Variants in ATF7IP2 observed in about 807,000 individuals in gnomAD.
The protein encoded by ATF7IP2 is activating transcription factor 7 interacting protein 2.
In ATF7IP2, 42 loss-of-function variants were observed where a neutral mutation model predicts 64.2. The ratio of observed to expected loss-of-function variants is 0.65; its 90% CI spans 0.51 to 0.85. The LOEUF is 0.85. Among genes scored for constraint, ATF7IP2 ranks in the 40% least tolerant of loss-of-function variants. The pLI is 0.00. For missense variants in ATF7IP2, 933 were observed against 784.2 expected, an observed-to-expected ratio of 1.19 and a Z score of -2.27; for synonymous variants, 308 against 272.8, an observed-to-expected ratio of 1.13 and a Z score of -1.27.
At chr16:10,447,872 C>T (rs2048862043) in intron 8 of ATF7IP2, 3 of 152,164 alleles carry the variant, frequency 2.0e-5, no homozygotes, top group Admixed American at 2.0e-4. Context: ...TTCCTAACAC[C>T]TAGGTTTTCT....
intron 1 of ATF7IP2, among the ~76,000 whole-genome samples, chr16:10,408,145 C>T (rs1031770496): frequency 4.6e-5 from 7 of 152,018 alleles, no homozygotes; most frequent in South Asian, 4.1e-4. Context: ...TTCCTGACCT[C>T]GCGATCCACC....
intron 4 of ATF7IP2, 28 bp from the exon 5 acceptor site, chr16:10,430,583 C>A: frequency 7.2e-7 from 1 of 1,396,914 alleles, no homozygotes; most frequent in South Asian, 1.3e-5. Context: ...TAGAGAAATG[C>A]ATTTAAATAT....
At chr16:10,455,796 T>C (rs2049143391) in intron 8 of ATF7IP2, among the ~76,000 whole-genome samples, 1 of 152,140 alleles carries the variant, frequency 6.6e-6, no homozygotes, top group African/African-American at 2.4e-5. Context: ...GATAGAAATA[T>C]AGACATTAAA....
intron 7 of ATF7IP2, 49 bp from the exon 8 acceptor site, chr16:10,440,315 A>G: frequency 2.2e-6 from 2 of 901,030 alleles, no homozygotes; most frequent in Non-Finnish European, 3.4e-6. Flanking sequence ...TCTCTATGTG[A>G]TATATAGTAC....
intron 1 of ATF7IP2, among the ~76,000 whole-genome samples, chr16:10,395,683 T>C (rs2047407376): frequency 6.6e-6 from 1 of 152,210 alleles, no homozygotes; most frequent in East Asian, 1.9e-4. Flanking sequence ...CAAAGCTACA[T>C]GATCTTTTTA....
chr16:10,442,455 A>T (rs759367043), intron 8 of ATF7IP2, among the ~76,000 whole-genome samples: 1 of 152,230 alleles, frequency 6.6e-6, no homozygotes, highest in Non-Finnish European at 1.5e-5. Flanking sequence ...TTATTGAACT[A>T]GTCCATGAAT....
At chr16:10,465,485 G>A (rs530597953) in intron 9 of ATF7IP2, among the ~76,000 whole-genome samples, 203 of 151,758 alleles carry the variant, frequency 1.3e-3, no homozygotes, top group African/African-American at 4.4e-3. Context: ...AGTGACTCAC[G>A]CCTGTAATCC....
chr16:10,479,720 C>T (rs907859560), intron 12 of ATF7IP2, among the ~76,000 whole-genome samples: 5 of 151,468 alleles, frequency 3.3e-5, no homozygotes, highest in Admixed American at 3.3e-4. Context: ...GTACATTTGG[C>T]CAACAAACAT....
intron 8 of ATF7IP2, among the ~76,000 whole-genome samples, chr16:10,443,555 C>T (rs1238649993): frequency 1.3e-5 from 2 of 152,196 alleles, no homozygotes; most frequent in African/African-American, 2.4e-5. Flanking sequence ...TCCATGCAGG[C>T]ATTTGCTTCT....
rs2050271017 is a variant in ATF7IP2, at chr16:10,482,413, T to C, written c.*164T>C. ...TAAGTGGCCAGTAATTTAATGAATT[T>C]CTGGTTTGTATTAAATATGTCCTTC... On this transcript the variant is annotated 3_prime_UTR_variant, in exon 14 of 14. Transcript: ENST00000562102. The C allele has an allele frequency of 5.3e-6, 3 of 568,440 alleles. No individual in the cohort carries two copies. The highest frequency in any genetic ancestry group is 9.1e-6 in the Non-Finnish European group (3 of 330,390). The allele number at this position is 568,440 out of a possible 1,614,324, so 35.2% of individuals were successfully genotyped here.
chr16:10,421,047 A>G (rs1292849343), intron 3 of ATF7IP2, among the ~76,000 whole-genome samples: 2 of 152,254 alleles, frequency 1.3e-5, no homozygotes, highest in Non-Finnish European at 2.9e-5. Flanking sequence ...AGTCAGCTAA[A>G]TGAGTTTGCC....
intron 9 of ATF7IP2, among the ~76,000 whole-genome samples, chr16:10,463,256 C>T (rs931847135): frequency 6.6e-6 from 1 of 152,198 alleles, no homozygotes; most frequent in African/African-American, 2.4e-5. Flanking sequence ...ACTAGATTCA[C>T]TCTGTACTCT....
intron 1 of ATF7IP2, among the ~76,000 whole-genome samples, chr16:10,407,185 A>G (rs921758857): frequency 1.3e-5 from 2 of 152,200 alleles, no homozygotes; most frequent in Non-Finnish European, 2.9e-5. Flanking sequence ...TCCCTACATG[A>G]TAAAAACCCT....
chr16:10,447,850 G>T (rs1336415432), intron 8 of ATF7IP2: 1 of 152,182 alleles, frequency 6.6e-6, no homozygotes, highest in Admixed American at 6.5e-5. Flanking sequence ...GAAATCCTTT[G>T]AAGAGAAACT....
chr16:10,459,664 C>T (rs1474145360), intron 9 of ATF7IP2, among the ~76,000 whole-genome samples: 1 of 151,994 alleles, frequency 6.6e-6, no homozygotes, highest in African/African-American at 2.4e-5. Context: ...AAAATAAATA[C>T]ACTAATGTGA....
intron 8 of ATF7IP2, among the ~76,000 whole-genome samples, chr16:10,456,330 C>T (rs370336058): frequency 3.3e-5 from 5 of 152,118 alleles, no homozygotes; most frequent in South Asian, 4.1e-4. Context: ...GAGTATGCCC[C>T]GGAGAGAAAG....
At chr16:10,459,717 G>T (rs961501756) in intron 9 of ATF7IP2, among the ~76,000 whole-genome samples, 1 of 152,134 alleles carries the variant, frequency 6.6e-6, no homozygotes, top group Non-Finnish European at 1.5e-5. Context: ...ACTCACTATA[G>T]ATGCAGGACT....
chr16:10,452,143 G>A (rs1394688323), intron 8 of ATF7IP2, among the ~76,000 whole-genome samples: 6 of 152,170 alleles, frequency 3.9e-5, no homozygotes, highest in East Asian at 1.9e-4. Context: ...CTCATTCTCC[G>A]TCCAGTTTTG....
At position 10,430,813 on chromosome 16, in the gene ATF7IP2, A is replaced by G; in HGVS notation, c.193A>G (p.Thr65Ala). 1 of 1,614,126 alleles carries G rather than the reference A, an allele frequency of 6.2e-7. No individual in the cohort carries two copies. Among genetic ancestry groups the G allele is most frequent in the Non-Finnish European group, 8.5e-7 (1 of 1,179,982 alleles). ...PSVITRTTEI[T>A]KCSPSENGAS... ...TGTCATAACTAGGACGACTGAAATA[A>G]CCAAATGTAGCCCTTCTGAAAATGG... Residue 65 changes from threonine to alanine, a missense_variant, in exon 5 of 14, where the codon ACC becomes GCC. Coordinates refer to ENST00000562102, the MANE Select transcript of ATF7IP2 (RefSeq NM_001393719.1).
Sources: allele counts gnomAD v4.1 joint callset (sites outside exome capture counted in the v4.1 genomes callset), GRCh38; gene constraint gnomAD v4.1.1; transcripts MANE v1.5; gene names NCBI Gene and HGNC (gene_info 2026-07-23, HGNC 2026-07-21).